The following NCAM2 variants were observed in gnomAD, a reference collection of about 807,000 sequenced individuals.
The protein encoded by NCAM2 is neural cell adhesion molecule 2, also known as N-CAM-2.
NCAM2 carries 30 observed loss-of-function variants against 98.1 expected under a neutral mutation model. The observed-to-expected ratio is 0.31, with a 90% CI of 0.23 to 0.41. The LOEUF is 0.41. NCAM2 is among the 10% of genes least tolerant of loss of function. NCAM2 has a pLI of 1.00. For synonymous variants in NCAM2, 368 were observed against 342.4 expected (o/e 1.07, Z -0.83); for missense variants, 867 against 1,005.8 (o/e 0.86, Z 1.87).
At chr21:21,430,918 C>A (rs1188300224) in intron 11 of NCAM2, among the ~76,000 whole-genome samples, 1 of 151,474 alleles carries the variant, frequency 6.6e-6, no homozygotes, top group Non-Finnish European at 1.5e-5. Flanking sequence ...TGGTGGTGCG[C>A]ACCTGTAGTC....
At chr21:21,276,358 C>G (rs2072728319) in intron 1 of NCAM2, among the ~76,000 whole-genome samples, 1 of 151,568 alleles carries the variant, frequency 6.6e-6, no homozygotes, top group Admixed American at 6.6e-5. Context: ...TTTAATTTAC[C>G]CAACTCTACT....
intron 1 of NCAM2, among the ~76,000 whole-genome samples, chr21:21,182,028 T>TAA (rs746308686): frequency 9.8e-5 from 12 of 122,414 alleles, no homozygotes; most frequent in South Asian, 2.7e-4. Flanking sequence ...CCACCATCTC[T>TAA]AAAAAAAAAA....
rs760306410 is a variant in NCAM2 at position 20,998,652 on chromosome 21, C to T, written c.55+34C>T. On this transcript the variant is annotated intron_variant, in intron 1 of 17. Transcript: ENST00000400546. Reference sequence around the variant, plus strand: ...GTGGCGCTTTATTGCATTTACTTTCCCTCCCCCTTCCACCCGGCCAAGAGA... The same window carrying T: ...GTGGCGCTTTATTGCATTTACTTTCTCTCCCCCTTCCACCCGGCCAAGAGA... 17 of 1,600,802 alleles carry T rather than the reference C, an allele frequency of 1.1e-5. 1 individual carries two copies. In the Admixed American group the frequency reaches 1.5e-4, roughly 14 times the overall value.
intron 6 of NCAM2, among the ~76,000 whole-genome samples, chr21:21,330,900 C>T (rs1196140261): frequency 1.3e-5 from 2 of 152,070 alleles, no homozygotes; most frequent in African/African-American, 4.8e-5. Flanking sequence ...TTCAAGTTTA[C>T]TAATATTTTC....
intron 16 of NCAM2, among the ~76,000 whole-genome samples, chr21:21,520,836 G>C (rs1252289800): frequency 2.0e-5 from 3 of 152,038 alleles, no homozygotes; most frequent in Non-Finnish European, 4.4e-5. Flanking sequence ...TTGATGAATT[G>C]GTAGAGGCTC....
chr21:21,083,024 T>G (rs2065840230), intron 1 of NCAM2, among the ~76,000 whole-genome samples: 1 of 152,212 alleles, frequency 6.6e-6, no homozygotes, highest in South Asian at 2.1e-4. Flanking sequence ...ATCAAAGCAT[T>G]TGTCAGAACA....
chr21:21,039,389 G>A (rs2146254933), intron 1 of NCAM2, among the ~76,000 whole-genome samples: 1 of 152,262 alleles, frequency 6.6e-6, no homozygotes, highest in South Asian at 2.1e-4. Flanking sequence ...GTAGAGTTGG[G>A]TGACTAATAT....
intron 1 of NCAM2, among the ~76,000 whole-genome samples, chr21:21,167,905 A>C (rs1050717961): frequency 6.6e-6 from 1 of 152,158 alleles, no homozygotes; most frequent in African/African-American, 2.4e-5. Context: ...CTAATTCTCC[A>C]TAATCTCTTT....
intron 1 of NCAM2, among the ~76,000 whole-genome samples, chr21:21,225,933 A>G (rs933967198): frequency 1.3e-5 from 2 of 152,092 alleles, no homozygotes; most frequent in Admixed American, 6.6e-5. Flanking sequence ...CTCGGTGGCT[A>G]TCGATAGTGG....
intron 1 of NCAM2, among the ~76,000 whole-genome samples, chr21:21,152,672 A>G (rs1469226132): frequency 6.6e-6 from 1 of 151,952 alleles, no homozygotes; most frequent in Non-Finnish European, 1.5e-5. Context: ...TGTATTGAAT[A>G]TTCCAGTTAC....
intron 1 of NCAM2, among the ~76,000 whole-genome samples, chr21:21,026,387 G>A (rs985930214): frequency 5.3e-5 from 8 of 152,274 alleles, no homozygotes; most frequent in Non-Finnish European, 8.8e-5. Context: ...GGCCAGGCGC[G>A]GTGGCTCACG....
At chr21:21,356,086 T>A (rs1301235665) in intron 8 of NCAM2, among the ~76,000 whole-genome samples, 1 of 152,152 alleles carries the variant, frequency 6.6e-6, no homozygotes, top group Non-Finnish European at 1.5e-5. Context: ...CTTAAAATAT[T>A]TTGCAGACTA....
intron 1 of NCAM2, among the ~76,000 whole-genome samples, chr21:21,108,439 A>G (rs1030279434): frequency 6.6e-6 from 1 of 152,138 alleles, no homozygotes; most frequent in Non-Finnish European, 1.5e-5. Flanking sequence ...TCACACTACC[A>G]TCCAAATTAC....
In NCAM2 at chr21:21,423,335, A is replaced by T. The variant is rs186562318; in HGVS notation, c.1480+4766A>T. On this transcript the variant is annotated intron_variant, in intron 11 of 17. Transcript: ENST00000400546. ...GTAACAGTATTGTGACAACTAAGTG[A>T]GTTAATGCATTCAAGCACCCAGCAC... Among the ~76,000 whole-genome samples the T allele has an allele frequency of 3.3e-5, 5 of 152,318 alleles. No individual in the cohort carries two copies. In the East Asian group the frequency reaches 9.7e-4, roughly 29 times the overall value.
intron 1 of NCAM2, among the ~76,000 whole-genome samples, chr21:21,176,464 G>T (rs2068293472): frequency 6.6e-6 from 1 of 151,796 alleles, no homozygotes; most frequent in African/African-American, 2.4e-5. Context: ...TGCTAATTTG[G>T]TGTTCTAACA....
intron 14 of NCAM2, among the ~76,000 whole-genome samples, chr21:21,474,349 G>A (rs1041414566): frequency 6.6e-6 from 1 of 151,830 alleles, no homozygotes; most frequent in Non-Finnish European, 1.5e-5. Context: ...TCATATTAAG[G>A]GCTTCAACAA....
chr21:21,314,202 A>G (rs1473479565), intron 5 of NCAM2, among the ~76,000 whole-genome samples: 6 of 152,034 alleles, frequency 3.9e-5, no homozygotes, highest in African/African-American at 1.2e-4. Flanking sequence ...ATTCTTTTGT[A>G]TCAGGTCTGC....
intron 1 of NCAM2, among the ~76,000 whole-genome samples, chr21:21,201,323 C>T (rs1019892714): frequency 1.3e-5 from 2 of 152,152 alleles, no homozygotes; most frequent in African/African-American, 4.8e-5. Flanking sequence ...TTCAGTTATG[C>T]TGCTCCCACT....
At chr21:21,155,772 A>G (rs1049863063) in intron 1 of NCAM2, among the ~76,000 whole-genome samples, 11 of 152,018 alleles carry the variant, frequency 7.2e-5, no homozygotes, top group Non-Finnish European at 1.5e-4. Context: ...GTATTTTTAC[A>G]AATTAAATGA....
Sources: allele counts gnomAD v4.1 joint callset (sites outside exome capture counted in the v4.1 genomes callset), GRCh38; gene constraint gnomAD v4.1.1; transcripts MANE v1.5; gene names NCBI Gene and HGNC (gene_info 2026-07-23, HGNC 2026-07-21).